The following SNTG1 variants were observed in gnomAD, a reference collection of about 807,000 sequenced individuals.
The protein encoded by SNTG1 is syntrophin gamma 1.
In SNTG1, 39 loss-of-function variants were observed where a neutral mutation model predicts 74.7. The ratio of observed to expected loss-of-function variants is 0.52; its 90% CI spans 0.40 to 0.68. The LOEUF is 0.68. SNTG1 is among the 30% of genes least tolerant of loss of function. The pLI is 0.00. For synonymous variants in SNTG1, 254 were observed against 217.1 expected, an observed-to-expected ratio of 1.17 and a Z score of -1.49; for missense variants, 685 against 609.5, an observed-to-expected ratio of 1.12 and a Z score of -1.30.
At chr8:50,648,523 A>G (rs976998833) in intron 13 of SNTG1, among the ~76,000 whole-genome samples, 18 of 152,166 alleles carry the variant, frequency 1.2e-4, no homozygotes, top group African/African-American at 4.1e-4. Context: ...TACAATAACT[A>G]AAATTTCATC....
intron 2 of SNTG1, among the ~76,000 whole-genome samples, chr8:50,344,390 G>A (rs966296272): frequency 6.6e-6 from 1 of 152,138 alleles, no homozygotes; most frequent in Non-Finnish European, 1.5e-5. Context: ...AGCTGGGGCT[G>A]GTGCAAGGCT....
At chr8:50,128,074 C>A (rs141318047) in intron 1 of SNTG1, among the ~76,000 whole-genome samples, 15 of 152,240 alleles carry the variant, frequency 9.9e-5, no homozygotes, top group Middle Eastern at 3.4e-3. Context: ...AACTTAGTAG[C>A]ACTGCATATT....
At chr8:50,478,111 C>A (rs555307034) in intron 8 of SNTG1, among the ~76,000 whole-genome samples, 48 of 152,260 alleles carry the variant, frequency 3.2e-4, no homozygotes, top group Middle Eastern at 3.4e-3. Flanking sequence ...AAATAATCCT[C>A]TCTACTTTCA....
intron 1 of SNTG1, among the ~76,000 whole-genome samples, chr8:50,049,790 C>A (rs1819413802): frequency 6.6e-6 from 1 of 151,898 alleles, no homozygotes; most frequent in Non-Finnish European, 1.5e-5. Flanking sequence ...AAATAGAAAT[C>A]AATAATAGAA....
chr8:50,502,328 G>A lies in SNTG1; in HGVS notation c.364-450G>A, dbSNP rs546528345. 2.0e-4 allele frequency among the ~76,000 whole-genome samples: 30 copies of A among 152,144 alleles called. No homozygotes were observed. The South Asian group carries it at 4.4e-3, about 22-fold the overall frequency. ...GCAGAATCAGATTTTTATGCTTTTC[G>A]AATCATTTTCTCTTACATCTTAGCT... On this transcript the variant is annotated intron_variant, in intron 8 of 18. Coordinates refer to ENST00000642720, the MANE Select transcript of SNTG1 (RefSeq NM_018967.5).
At chr8:50,790,355 AT>A (rs1050260897) in intron 18 of SNTG1, among the ~76,000 whole-genome samples, 2 of 151,918 alleles carry the variant, frequency 1.3e-5, no homozygotes, top group Non-Finnish European at 2.9e-5. Flanking sequence ...GACTCTTTAC[AT>A]TTTTGAAGAT....
Position 50,392,617 on chromosome 8 carries a change from C to T in SNTG1, c.-27-1595C>T, listed in dbSNP as rs371351859. On this transcript the variant is annotated intron_variant, in intron 2 of 18. Transcript: ENST00000642720. ...GAGGAACTCAATCCAAATAAGTTAT[C>T]TCCTATATATTTTATCTAACTGTAT... is the stretch of plus-strand genomic sequence containing the variant. Among the ~76,000 whole-genome samples, 36 of 152,188 alleles carry T rather than the reference C, an allele frequency of 2.4e-4. No individual in the cohort carries two copies. The East Asian group carries it at 3.3e-3, about 14-fold the overall frequency.
At chr8:50,230,445 A>G (rs1280321824) in intron 2 of SNTG1, among the ~76,000 whole-genome samples, 2 of 151,402 alleles carry the variant, frequency 1.3e-5, no homozygotes, top group Non-Finnish European at 3.0e-5. Context: ...CACATAAATG[A>G]ACAAGTTAGA....
At chr8:50,141,546 T>C (rs1586449875) in intron 1 of SNTG1, among the ~76,000 whole-genome samples, 1 of 152,272 alleles carries the variant, frequency 6.6e-6, no homozygotes, top group South Asian at 2.1e-4. Context: ...CTAGGAAGGT[T>C]AGCTAATTAA....
intron 2 of SNTG1, among the ~76,000 whole-genome samples, chr8:50,346,544 G>A (rs567526779): frequency 6.6e-5 from 10 of 152,294 alleles, no homozygotes; most frequent in South Asian, 6.2e-4. Flanking sequence ...AGGAAGCCAC[G>A]TTTCTCCCTT....
intron 2 of SNTG1, among the ~76,000 whole-genome samples, chr8:50,188,859 C>T (rs2083471657): frequency 6.6e-6 from 1 of 152,114 alleles, no homozygotes; most frequent in South Asian, 2.1e-4. Flanking sequence ...CTGTGACTCA[C>T]CTGTAGCAAC....
chr8:50,378,076 G>A (rs1587387244), intron 2 of SNTG1, among the ~76,000 whole-genome samples: 1 of 152,232 alleles, frequency 6.6e-6, no homozygotes, highest in East Asian at 1.9e-4. Flanking sequence ...TACCAGCCTG[G>A]ATCTCATGCC....
intron 13 of SNTG1, among the ~76,000 whole-genome samples, chr8:50,598,526 T>A (rs912627455): frequency 6.6e-6 from 1 of 152,014 alleles, no homozygotes; most frequent in African/African-American, 2.4e-5. Flanking sequence ...TGCCTTAACT[T>A]TGTTCTTTGT....
chr8:50,344,234 C>T (rs2091405129), intron 2 of SNTG1, among the ~76,000 whole-genome samples: 1 of 152,100 alleles, frequency 6.6e-6, no homozygotes, highest in African/African-American at 2.4e-5. Context: ...GAAAGCAAAG[C>T]AACTTACTAT....
intron 2 of SNTG1, among the ~76,000 whole-genome samples, chr8:50,220,570 A>C (rs2085013518): frequency 2.6e-5 from 4 of 152,182 alleles, no homozygotes; most frequent in Middle Eastern, 6.8e-3. Flanking sequence ...ATAGAGTGGA[A>C]ATGTATTGAA....
At chr8:50,602,953 T>C (rs1202690732) in intron 13 of SNTG1, among the ~76,000 whole-genome samples, 2 of 151,818 alleles carry the variant, frequency 1.3e-5, no homozygotes, top group Non-Finnish European at 2.9e-5. Flanking sequence ...TTTCATTTTC[T>C]CTGGCCTTTG....
At chr8:50,628,612 T>G (rs548362900) in intron 13 of SNTG1, among the ~76,000 whole-genome samples, 2 of 152,302 alleles carry the variant, frequency 1.3e-5, no homozygotes, top group Admixed American at 6.5e-5. Context: ...TTGTTGTACC[T>G]TTCAATTTCA....
intron 17 of SNTG1, among the ~76,000 whole-genome samples, chr8:50,722,239 A>G (rs10087953): frequency 0.58 from 87,508 of 151,132 alleles, 27,620 homozygotes; most frequent in Non-Finnish European, 0.69. Flanking sequence ...CAGTGGTGCG[A>G]TCTCAGCTCA....
intron 17 of SNTG1, among the ~76,000 whole-genome samples, chr8:50,712,951 C>A (rs1468707006): frequency 1.3e-5 from 2 of 152,170 alleles, no homozygotes; most frequent in Non-Finnish European, 2.9e-5. Flanking sequence ...GTAAATAGTG[C>A]TGCAATAAAC....
Sources: gnomAD v4.1 joint callset for allele counts (sites outside exome capture counted in the v4.1 genomes callset) on GRCh38, gnomAD v4.1.1 for gene constraint, MANE v1.5 for transcripts, NCBI Gene and HGNC (gene_info 2026-07-23, HGNC 2026-07-21) for gene names.